Variants in KCNN2 observed in about 807,000 individuals in gnomAD.
KCNN2 encodes the protein potassium calcium-activated channel subfamily N member 2, also known as small conductance calcium-activated potassium channel protein 2.
Under a neutral mutation model 55.5 loss-of-function variants are expected in KCNN2, and 24 were observed. That is an observed-to-expected ratio of 0.43 (90% CI 0.31 to 0.61). The LOEUF (loss-of-function observed/expected upper bound fraction) is 0.61, where lower values mean the gene tolerates loss of function less well. Among genes scored for constraint, KCNN2 ranks in the 20% least tolerant of loss-of-function variants. The pLI is 0.08. For synonymous variants in KCNN2, 431 were observed against 336.1 expected, an observed-to-expected ratio of 1.28 and a Z score of -3.09; for missense variants, 754 against 853.6, an observed-to-expected ratio of 0.88 and a Z score of 1.45.
chr5:114,314,710 T>C (rs968166329), intron 2 of KCNN2, among the ~76,000 whole-genome samples: 3 of 152,090 alleles, frequency 2.0e-5, no homozygotes, highest in Non-Finnish European at 2.9e-5. Context: ...AGCCAAAGTG[T>C]AGAATAATAA....
At chr5:114,323,013 A>G (rs1181992089) in intron 2 of KCNN2, among the ~76,000 whole-genome samples, 1 of 152,166 alleles carries the variant, frequency 6.6e-6, no homozygotes, top group Non-Finnish European at 1.5e-5. Flanking sequence ...TTGTGTTCAT[A>G]AGTGCTTATC....
intron 3 of KCNN2, among the ~76,000 whole-genome samples, chr5:114,406,397 G>T (rs150634110): frequency 6.6e-6 from 1 of 150,666 alleles, no homozygotes. Flanking sequence ...CCAAAAAAGT[G>T]ATTTTTATCT....
chr5:114,062,910 G>A (rs1750361815), intron 1 of KCNN2, among the ~76,000 whole-genome samples: 4 of 152,100 alleles, frequency 2.6e-5, no homozygotes, highest in Admixed American at 2.6e-4. Flanking sequence ...TTCATTCCAA[G>A]CTAATTCAAA....
In KCNN2 at chr5:114,143,936, C is replaced by T. The variant is rs1382467756; in HGVS notation, c.-270-77544C>T. 2.6e-5 allele frequency among the ~76,000 whole-genome samples: 4 copies of T among 152,224 alleles called. No individual in the cohort carries two copies. In the South Asian group the frequency reaches 8.3e-4, roughly 32 times the overall value. ...CTAGTTTTACACATGAATAATAAAGCAATAGCACAAATTATACACGAACAA... is the reference window on the plus strand; with the variant it reads ...CTAGTTTTACACATGAATAATAAAGTAATAGCACAAATTATACACGAACAA... On this transcript the variant is annotated intron_variant, in intron 1 of 10. Transcript: ENST00000512097.
At chr5:114,481,382 A>G (rs1385231192) in intron 5 of KCNN2, among the ~76,000 whole-genome samples, 2 of 152,218 alleles carry the variant, frequency 1.3e-5, no homozygotes, top group Non-Finnish European at 2.9e-5. Flanking sequence ...TTCCCTGCTC[A>G]TAGATAAGAA....
rs796151627 is a variant in KCNN2, at chr5:114,202,565, GTGTA to G, written c.-270-18913_-270-18910del. Among the ~76,000 whole-genome samples, 172 of 92,056 alleles carry G rather than the reference GTGTA, an allele frequency of 1.9e-3. 17 individuals are homozygous for G. Among genetic ancestry groups the G allele is most frequent in the Middle Eastern group, 5.7e-3 (1 of 176 alleles). The allele number at this position is 92,056 out of a possible 152,430, so 60.4% of individuals were successfully genotyped here. ...ATATACATGCCTAATATATATGTGT[GTGTA>G]TATATATATATATATATTTTTTTTT... On this transcript the variant is annotated intron_variant, in intron 1 of 10. Coordinates refer to the KCNN2 transcript ENST00000512097.
intron 2 of KCNN2, among the ~76,000 whole-genome samples, chr5:114,263,557 C>T (rs4519914): frequency 0.85 from 129,836 of 152,076 alleles, 55,540 homozygotes; most frequent in East Asian, 0.94. Flanking sequence ...TTCCCTTCAC[C>T]CGTTTTGAAT....
chr5:114,196,437 A>G (rs1056195649), intron 1 of KCNN2, among the ~76,000 whole-genome samples: 5 of 152,104 alleles, frequency 3.3e-5, no homozygotes, highest in African/African-American at 4.8e-5. Flanking sequence ...GATTGGTATT[A>G]ATTCTTTTTT....
chr5:114,473,089 G>A lies in KCNN2; in HGVS notation c.1815G>A (p.Val605=). The A allele has an allele frequency of 3.7e-6, 6 of 1,612,386 alleles. No homozygotes were observed. The highest frequency in any genetic ancestry group is 5.1e-6 in the Non-Finnish European group (6 of 1,179,198). Residue 605 remains valine, a synonymous_variant, in exon 5 of 8, where the codon GTG becomes GTA. Transcript: ENST00000673685. The part of the protein sequence containing the change: ...AGCTALVVAV[V]ARKLELTKAE... ...GCACAGCCCTGGTGGTAGCTGTAGT[G>A]GCAAGGAAGCTAGAACTTACCAAAG... is the stretch of plus-strand genomic sequence containing the variant.
At chr5:114,490,465 G>A (rs996099658) in intron 6 of KCNN2, among the ~76,000 whole-genome samples, 10 of 152,150 alleles carry the variant, frequency 6.6e-5, no homozygotes, top group African/African-American at 2.4e-4. Flanking sequence ...GGAGGAAGCT[G>A]AGTGCTTACA....
intron 2 of KCNN2, among the ~76,000 whole-genome samples, chr5:114,376,646 G>T (rs941322251): frequency 8.5e-5 from 13 of 152,174 alleles, no homozygotes; most frequent in Admixed American, 7.9e-4. Context: ...CTCCTCTTTT[G>T]TGTGAATGAT....
intron 1 of KCNN2, among the ~76,000 whole-genome samples, chr5:114,115,480 C>T (rs1751692010): frequency 6.6e-6 from 1 of 152,048 alleles, no homozygotes; most frequent in Admixed American, 6.6e-5. Flanking sequence ...CATGAAAATC[C>T]TACCTAATCG....
chr5:114,105,839 G>C (rs572521136), intron 1 of KCNN2, among the ~76,000 whole-genome samples: 1 of 151,930 alleles, frequency 6.6e-6, no homozygotes, highest in South Asian at 2.1e-4. Flanking sequence ...TAGTTTATTT[G>C]TCTGGGTTGG....
intron 1 of KCNN2, among the ~76,000 whole-genome samples, chr5:114,157,085 A>T (rs754280004): frequency 6.6e-6 from 1 of 151,632 alleles, no homozygotes; most frequent in Admixed American, 6.6e-5. Context: ...TACATGTGCC[A>T]TGTTTGTGTG....
chr5:114,221,457 C>G (rs950205145), intron 1 of KCNN2, among the ~76,000 whole-genome samples: 5 of 152,100 alleles, frequency 3.3e-5, no homozygotes, highest in Non-Finnish European at 7.4e-5. Flanking sequence ...TGAACAAAGA[C>G]TAATAGAATT....
intron 1 of KCNN2, among the ~76,000 whole-genome samples, chr5:114,086,270 C>T (rs572130939): frequency 6.6e-6 from 1 of 151,868 alleles, no homozygotes; most frequent in Non-Finnish European, 1.5e-5. Context: ...TTTATTTACT[C>T]ATTTATTCTG....
chr5:114,279,479 T>G (rs1434539478), intron 2 of KCNN2, among the ~76,000 whole-genome samples: 2 of 152,124 alleles, frequency 1.3e-5, no homozygotes, highest in African/African-American at 4.8e-5. Context: ...GGCCCCAGTG[T>G]GTGGTGTTCC....
At chr5:114,397,568 G>T (rs1469817240) in intron 2 of KCNN2, among the ~76,000 whole-genome samples, 1 of 152,040 alleles carries the variant, frequency 6.6e-6, no homozygotes, top group Non-Finnish European at 1.5e-5. Context: ...TGTATTTTTA[G>T]TAGAGATGGG....
At chr5:114,184,072 T>C (rs1351334967) in intron 1 of KCNN2, among the ~76,000 whole-genome samples, 1 of 152,192 alleles carries the variant, frequency 6.6e-6, no homozygotes, top group Admixed American at 6.5e-5. Flanking sequence ...CACTGAATCA[T>C]ATTGCCCACT....
Sources: gnomAD v4.1 joint callset for allele counts (sites outside exome capture counted in the v4.1 genomes callset) on GRCh38, gnomAD v4.1.1 for gene constraint, MANE v1.5 for transcripts, NCBI Gene and HGNC (gene_info 2026-07-23, HGNC 2026-07-21) for gene names.